Variants in PLRG1 observed in about 807,000 individuals in gnomAD.
PLRG1 encodes pleiotropic regulator 1 (PRL1 homolog, Arabidopsis).
In PLRG1, 28 loss-of-function variants were observed where a neutral mutation model predicts 74.9. That is an observed-to-expected ratio of 0.37 (90% CI 0.28 to 0.51). The LOEUF (loss-of-function observed/expected upper bound fraction) is 0.51. Among genes scored for constraint, PLRG1 ranks in the 20% least tolerant of loss-of-function variants. The pLI is 0.91. For synonymous variants in PLRG1, 197 were observed against 212.4 expected, an observed-to-expected ratio of 0.93 and a Z score of 0.63; for missense variants, 445 against 631.9, an observed-to-expected ratio of 0.70 and a Z score of 3.17.
At chr4:154,543,627 C>T (rs1242684806) in intron 7 of PLRG1, among the ~76,000 whole-genome samples, 3 of 152,066 alleles carry the variant, frequency 2.0e-5, no homozygotes, top group East Asian at 1.9e-4. Context: ...TAACTACAAA[C>T]GAATAGCACA....
At chr4:154,542,060 T>G (rs1729564655) in intron 8 of PLRG1, 127 bp downstream of exon 8, 1 of 638,252 alleles carries the variant, frequency 1.6e-6, no homozygotes, top group Admixed American at 2.7e-5. Context: ...TGATAAATTT[T>G]ACTCCTTATT....
At position 154,538,092 on chromosome 4, in the gene PLRG1, C is replaced by T. The variant is rs1467633471; in HGVS notation, c.1168G>A (p.Gly390Ser). ...LHPRHYTFAS[G>S]SPDNIKQWKF... Reference sequence around the variant, plus strand: ...CACTGCTTTATGTTATCTGGAGAACCAGATGCAAATGTGTAACTGAAATAA... The same window carrying T: ...CACTGCTTTATGTTATCTGGAGAACTAGATGCAAATGTGTAACTGAAATAA... The change falls in exon 13 of 15, where the codon GGT becomes AGT. Residue 390 changes from glycine to serine, a missense_variant. By Grantham distance (56) the Gly-to-Ser change is moderately conservative. Around this residue, in one of 3 missense-constraint regions of PLRG1, gnomAD observed 221 missense variants for 377.7 expected, o/e 0.59. Transcript: ENST00000499023. The T allele has an allele frequency of 6.8e-7, 1 of 1,476,458 alleles. No individual in the cohort carries two copies. Among genetic ancestry groups the T allele is most frequent in the Non-Finnish European group, 9.2e-7 (1 of 1,084,124 alleles). The allele number at this position is 1,476,458 out of a possible 1,614,324, so 91.5% of individuals were successfully genotyped here. A position where few individuals can be genotyped will look rare whatever the true frequency, so the allele number is the denominator to read the frequency against.
intron 4 of PLRG1, chr4:154,546,807 T>C (rs1729663696): frequency 1.8e-6 from 1 of 570,290 alleles, no homozygotes; most frequent in Non-Finnish European, 3.2e-6. Context: ...TCCTAGCACA[T>C]TGCCTGAAAA....
chr4:154,545,784 G>A (rs1487461872), intron 6 of PLRG1, 52 bp downstream of exon 6: 3 of 1,048,154 alleles, frequency 2.9e-6, no homozygotes, highest in African/African-American at 3.2e-5. Context: ...AGGGAAATAT[G>A]GCAACATGTT....
chr4:154,539,183 T>C lies in PLRG1; in HGVS notation c.1073A>G (p.Asp358Gly). Residue 358 changes from aspartate to glycine, a missense_variant, in exon 12 of 15, where the codon GAT becomes GGT. By Grantham distance (94) the Asp-to-Gly change is moderately conservative. Around this residue, in one of 3 missense-constraint regions of PLRG1, gnomAD observed 221 missense variants for 377.7 expected, o/e 0.59. Transcript: ENST00000499023. Reference protein sequence around the residue: ...GSHDTTIRLWDLVAGKTRVTL... With the variant: ...GSHDTTIRLWGLVAGKTRVTL... ...CACTCTTGTTTTTCCAGCCACCAGATCCCATAATCGAATTGTAGTATCATG... is the reference window on the plus strand; with the variant it reads ...CACTCTTGTTTTTCCAGCCACCAGACCCCATAATCGAATTGTAGTATCATG... 6.2e-7 allele frequency: 1 copy of C among 1,611,106 alleles called. No individual in the cohort carries two copies. Among genetic ancestry groups the C allele is most frequent in the Non-Finnish European group, 8.5e-7 (1 of 1,177,388 alleles).
At chr4:154,540,165 TAATA>T in intron 10 of PLRG1, 112 bp from the exon 11 acceptor site, 3 of 664,238 alleles carry the variant, frequency 4.5e-6, no homozygotes, top group Non-Finnish European at 8.1e-6. Context: ...TGCCTGAATA[TAATA>T]AAGAAAATGC....
intron 10 of PLRG1, 33 bp from the exon 11 acceptor site, chr4:154,540,086 G>C (rs1729527955): frequency 2.7e-6 from 3 of 1,097,796 alleles, no homozygotes; most frequent in Admixed American, 3.4e-5. Flanking sequence ...TTAGGAAAGA[G>C]AATAGGTATT....
chr4:154,539,073 A>C (rs780213104), intron 12 of PLRG1, 32 bp downstream of exon 12: 1 of 1,258,852 alleles, frequency 7.9e-7, no homozygotes, highest in Non-Finnish European at 1.2e-6. Flanking sequence ...AACTGAAGAA[A>C]AACAAGAAGC....
chr4:154,536,812 C>T (rs1729461401), intron 14 of PLRG1, 68 bp from the exon 15 acceptor site: 1 of 825,546 alleles, frequency 1.2e-6, no homozygotes, highest in African/African-American at 1.7e-5. Flanking sequence ...GGCTTCCTTT[C>T]TAACAAAAAT....
intron 1 of PLRG1, 80 bp from the exon 2 acceptor site, chr4:154,549,015 C>T (rs1412198104): frequency 1.2e-6 from 1 of 835,272 alleles, no homozygotes; most frequent in Non-Finnish European, 2.0e-6. Flanking sequence ...TTATACACTT[C>T]ACGTGTTTAA....
Position 154,542,860 on chromosome 4 carries a change from A to G in PLRG1, c.595-581T>C, listed in dbSNP as rs76014595. 1.5e-3 allele frequency among the ~76,000 whole-genome samples: 222 copies of G among 152,308 alleles called. 1 individual carries two copies. Among genetic ancestry groups the G allele is most frequent in the African/African-American group, 5.0e-3 (208 of 41,576 alleles). The stretch of plus-strand genomic sequence containing the variant: ...TGATCTTCAGAGTTGAATGATGGCT[A>G]CCAGAGGTTGGGAAGAATAGTGGGG... On this transcript the variant is annotated intron_variant, in intron 7 of 14. Transcript: ENST00000499023.
chr4:154,539,899 A>G, intron 11 of PLRG1, 52 bp downstream of exon 11: 1 of 866,976 alleles, frequency 1.2e-6, no homozygotes, highest in South Asian at 1.3e-5. Flanking sequence ...TATGTATAAT[A>G]ACATGGATTC....
Position 154,544,549 on chromosome 4 carries a change from A to C in PLRG1, c.493-3T>G, listed in dbSNP as rs749452886. Reference sequence around the variant, plus strand: ...GTATTGCCAGTCTCCATGACAATCTAGACATAGAAGAGACATTATTATTAT... The same window carrying C: ...GTATTGCCAGTCTCCATGACAATCTCGACATAGAAGAGACATTATTATTAT... On this transcript the variant is annotated splice_polypyrimidine_tract_variant and splice_region_variant and intron_variant, in intron 6 of 14. Transcript: ENST00000499023. 1.3e-6 allele frequency: 2 copies of C among 1,507,254 alleles called. No individual in the cohort carries two copies. The highest frequency in any genetic ancestry group is 1.1e-5 in the South Asian group (1 of 88,692). The allele number at this position is 1,507,254 out of a possible 1,614,324, so 93.4% of individuals were successfully genotyped here.
At chr4:154,548,799 T>C (rs1462348864) in intron 2 of PLRG1, 30 bp downstream of exon 2, 11 of 1,088,694 alleles carry the variant, frequency 1.0e-5, no homozygotes, top group Admixed American at 1.8e-5. Context: ...TTAAGTATTT[T>C]AGCAATTGAA....
chr4:154,549,830 C>A (rs1263374769), intron 1 of PLRG1: 1 of 454,294 alleles, frequency 2.2e-6, no homozygotes, highest in South Asian at 1.6e-5. Context: ...GTAAGATGGA[C>A]AAGACCAGCT....
Position 154,544,501 on chromosome 4 carries a change from T to C in PLRG1, c.538A>G (p.Lys180Glu), listed in dbSNP as rs1560808290. The C allele has an allele frequency of 6.2e-7, 1 of 1,613,002 alleles. No homozygotes were observed. Among genetic ancestry groups the C allele is most frequent in the South Asian group, 1.1e-5 (1 of 91,060 alleles). Residue 180 changes from lysine to glutamate, a missense_variant, in exon 7 of 15, where the codon AAA (lysine) becomes GAA (glutamate). Lys to Glu is a moderately conservative substitution (Grantham distance 56). This residue lies in a region of PLRG1 where 206 missense variants were observed against 210.8 expected (regional missense o/e 0.98). Transcript: ENST00000499023. The part of the protein sequence containing the change: ...GNTKNSALMA[K>E]KAPTMPKPQW... ...GGTTTTGGCATTGTAGGGGCTTTTT[T>C]AGCCATCAGTGCAGAGTTCTTGGTA...
At chr4:154,546,664 G>A in intron 4 of PLRG1, 1 of 342,496 alleles carries the variant, frequency 2.9e-6, no homozygotes, top group Non-Finnish European at 5.4e-6. Flanking sequence ...CCTTAATACA[G>A]ACAGAGGACA....
chr4:154,549,826 T>C (rs1478528283), intron 1 of PLRG1: 1 of 455,522 alleles, frequency 2.2e-6, no homozygotes, highest in East Asian at 6.9e-5. Flanking sequence ...TGGGGTAAGA[T>C]GGACAAGACC....
At chr4:154,550,278 G>C (rs1729740000) in intron 1 of PLRG1, 22 bp downstream of exon 1, 2 of 1,610,022 alleles carry the variant, frequency 1.2e-6, no homozygotes, top group Non-Finnish European at 1.7e-6. Context: ...AACGACTCTT[G>C]AGAGCCCCAG....
Sources: allele counts gnomAD v4.1 joint callset (sites outside exome capture counted in the v4.1 genomes callset), GRCh38; gene constraint gnomAD v4.1.1; regional missense constraint gnomAD v4.1.1; transcripts MANE v1.5; gene names NCBI Gene and HGNC (gene_info 2026-07-23, HGNC 2026-07-21).